Variants in MRAP2 observed in about 807,000 individuals in gnomAD.
The protein encoded by MRAP2 is melanocortin-2 receptor accessory protein 2.
MRAP2 carries 20 observed loss-of-function variants against 17.4 expected under a neutral mutation model. The ratio of observed to expected loss-of-function variants is 1.15; its 90% CI spans 0.81 to 1.67. The LOEUF is 1.67. Among genes scored for constraint, MRAP2 ranks in the 40% most tolerant of loss-of-function variants. The pLI, the probability that MRAP2 is intolerant of heterozygous loss-of-function variation, is 0.00. For synonymous variants in MRAP2, 96 were observed against 88.4 expected (o/e 1.09, Z -0.48); for missense variants, 238 against 240.0 (o/e 0.99, Z 0.05).
chr6:84,117,618 G>C, the MRAP2 span, among the ~76,000 whole-genome samples: 31 of 151,322 alleles, frequency 2.0e-4, no homozygotes, highest in African/African-American at 7.1e-4. Context: ...TTCAGTCTTT[G>C]AGGTTGCTGA....
chr6:84,040,040 T>C (rs1266855283), intron 1 of MRAP2, among the ~76,000 whole-genome samples: 1 of 152,214 alleles, frequency 6.6e-6, no homozygotes, highest in Non-Finnish European at 1.5e-5. Flanking sequence ...TTTGGCTGTG[T>C]CCCCGCCTAA....
chr6:84,078,640 A>G (rs1279535630), intron 3 of MRAP2, among the ~76,000 whole-genome samples: 5 of 152,178 alleles, frequency 3.3e-5, no homozygotes, highest in African/African-American at 1.2e-4. Flanking sequence ...GCTTGGTGCT[A>G]TTCTCACAGT....
intron 1 of MRAP2, among the ~76,000 whole-genome samples, chr6:84,049,773 G>A (rs2099489947): frequency 6.6e-6 from 1 of 152,158 alleles, no homozygotes; most frequent in Non-Finnish European, 1.5e-5. Flanking sequence ...CTGGAAACAA[G>A]TTGCTTATGT....
chr6:84,063,128 A>G (rs1305615790), intron 3 of MRAP2, 136 bp downstream of exon 3: 8 of 1,465,958 alleles, frequency 5.5e-6, no homozygotes. Context: ...CTGGACCCAG[A>G]TGCCCGTGGA....
chr6:84,085,736 A>G (rs1471008174), intron 3 of MRAP2, among the ~76,000 whole-genome samples: 1 of 152,232 alleles, frequency 6.6e-6, no homozygotes, highest in Non-Finnish European at 1.5e-5. Context: ...ACCAGAAAAG[A>G]CATGTCTCCA....
the MRAP2 span, among the ~76,000 whole-genome samples, chr6:84,099,599 GCCTGGCACCT>G: frequency 6.6e-6 from 1 of 152,008 alleles, no homozygotes; most frequent in African/African-American, 2.4e-5. Context: ...ATTTAAAGGA[GCCTGGCACCT>G]CCTCCTCTCC....
intron 2 of MRAP2, among the ~76,000 whole-genome samples, chr6:84,058,257 T>C (rs186007013): frequency 1.9e-4 from 29 of 152,284 alleles, no homozygotes; most frequent in Non-Finnish European, 3.7e-4. Context: ...AGGCAGCTGA[T>C]GATGGTGGCT....
At chr6:84,082,090 T>TAGAC (rs1588658699) in intron 3 of MRAP2, among the ~76,000 whole-genome samples, 1 of 152,180 alleles carries the variant, frequency 6.6e-6, no homozygotes, top group East Asian at 1.9e-4. Flanking sequence ...CATTAGACAT[T>TAGAC]AGACTTGTCC....
At chr6:84,057,994 C>T (rs1427056624) in intron 2 of MRAP2, among the ~76,000 whole-genome samples, 1 of 151,994 alleles carries the variant, frequency 6.6e-6, no homozygotes, top group African/African-American at 2.4e-5. Flanking sequence ...AGGAGGCCAG[C>T]GTGGTACCAG....
the MRAP2 span, among the ~76,000 whole-genome samples, chr6:84,131,947 T>C: frequency 2.6e-3 from 393 of 152,352 alleles, 1 homozygote; most frequent in South Asian, 0.015. Context: ...TGATGGTCTT[T>C]ACAATTTGGC....
At chr6:84,060,599 T>G (rs548946247) in intron 2 of MRAP2, among the ~76,000 whole-genome samples, 2 of 151,988 alleles carry the variant, frequency 1.3e-5, no homozygotes, top group Admixed American at 1.3e-4. Flanking sequence ...GTACAATGTT[T>G]CTTCACAGTC....
chr6:84,134,637 G>A, the MRAP2 span, among the ~76,000 whole-genome samples: 1 of 152,134 alleles, frequency 6.6e-6, no homozygotes, highest in African/African-American at 2.4e-5. Flanking sequence ...GATGAGGCAA[G>A]GCCCCACCCT....
At chr6:84,055,074 A>G (rs920435788) in intron 1 of MRAP2, among the ~76,000 whole-genome samples, 8 of 152,214 alleles carry the variant, frequency 5.3e-5, no homozygotes, top group African/African-American at 1.9e-4. Context: ...AAGTTCAAAA[A>G]AATATACAGT....
Position 84,089,565 on chromosome 6 carries a change from G to C in MRAP2, c.*84G>C. Reference sequence around the variant, plus strand: ...AAATCTACATCCACCAAAATTGTGTGTGTTTGGGGGAGAGAGAGACATAGA... The same window carrying C: ...AAATCTACATCCACCAAAATTGTGTCTGTTTGGGGGAGAGAGAGACATAGA... On this transcript the variant is annotated 3_prime_UTR_variant, in exon 4 of 4. Transcript: ENST00000257776. 6.9e-7 allele frequency: 1 copy of C among 1,459,848 alleles called. No individual in the cohort carries two copies. Among genetic ancestry groups the C allele is most frequent in the East Asian group, 2.3e-5 (1 of 43,862 alleles). The allele number at this position is 1,459,848 out of a possible 1,614,324, so 90.4% of individuals were successfully genotyped here.
intron 3 of MRAP2, among the ~76,000 whole-genome samples, chr6:84,080,916 T>C (rs908276709): frequency 4.6e-5 from 7 of 152,220 alleles, no homozygotes; most frequent in African/African-American, 9.6e-5. Context: ...ATTTTGTATA[T>C]ATGGGTCTTA....
At chr6:84,063,181 G>C (rs758433413) in intron 3 of MRAP2, 189 bp downstream of exon 3, 3 of 985,358 alleles carry the variant, frequency 3.0e-6, no homozygotes, top group Non-Finnish European at 3.6e-6. Context: ...CTTGCGTCTT[G>C]GGCTTATTTT....
chr6:84,145,817 C>G, the MRAP2 span, among the ~76,000 whole-genome samples: 1 of 152,112 alleles, frequency 6.6e-6, no homozygotes, highest in Non-Finnish European at 1.5e-5. Flanking sequence ...ACTAGACATA[C>G]TCAAACTGTA....
chr6:84,095,630 C>A (rs2099502548), downstream of MRAP2, among the ~76,000 whole-genome samples: 1 of 152,242 alleles, frequency 6.6e-6, no homozygotes, highest in Non-Finnish European at 1.5e-5. Flanking sequence ...TGTATGTGAG[C>A]TATTTTATTA....
At chr6:84,081,376 C>A (rs2099498944) in intron 3 of MRAP2, among the ~76,000 whole-genome samples, 1 of 152,116 alleles carries the variant, frequency 6.6e-6, no homozygotes, top group Non-Finnish European at 1.5e-5. Flanking sequence ...ATTCTGTGTC[C>A]CTACCCATAT....
Sources: allele counts gnomAD v4.1 joint callset (sites outside exome capture counted in the v4.1 genomes callset), GRCh38; gene constraint gnomAD v4.1.1; transcripts MANE v1.5; gene names NCBI Gene and HGNC (gene_info 2026-07-23, HGNC 2026-07-21).